The following EXOC6B variants were observed in gnomAD, a reference collection of about 807,000 sequenced individuals.
EXOC6B encodes the protein exocyst complex component 6B.
In EXOC6B, 54 loss-of-function variants were observed where a neutral mutation model predicts 113.5. That is an observed-to-expected ratio of 0.48 (90% CI 0.38 to 0.60). The LOEUF (loss-of-function observed/expected upper bound fraction) is 0.60. Ranked by LOEUF, EXOC6B falls within the 20% of genes least tolerant of loss-of-function variation. The pLI, the probability that EXOC6B is intolerant of heterozygous loss-of-function variation, is 0.00. For synonymous variants in EXOC6B, 357 were observed against 339.0 expected (o/e 1.05, Z -0.58); for missense variants, 797 against 977.5 (o/e 0.82, Z 2.46).
chr2:72,220,981 A>T (rs1157622106), intron 20 of EXOC6B, among the ~76,000 whole-genome samples: 2 of 152,208 alleles, frequency 1.3e-5, no homozygotes, highest in African/African-American at 4.8e-5. Context: ...TGCTAGAAAC[A>T]TTCAAGTTAT....
At chr2:72,302,558 T>C (rs1185883904) in intron 20 of EXOC6B, among the ~76,000 whole-genome samples, 1 of 152,240 alleles carries the variant, frequency 6.6e-6, no homozygotes, top group Non-Finnish European at 1.5e-5. Context: ...TCTTGTTGAA[T>C]TGAACCCTTT....
At chr2:72,293,072 T>C (rs1441142887) in intron 20 of EXOC6B, among the ~76,000 whole-genome samples, 1 of 152,210 alleles carries the variant, frequency 6.6e-6, no homozygotes, top group Non-Finnish European at 1.5e-5. Flanking sequence ...CTGATTTGCA[T>C]GGTTTGTAAA....
chr2:72,394,551 C>T (rs896524440), intron 18 of EXOC6B, among the ~76,000 whole-genome samples: 1 of 152,026 alleles, frequency 6.6e-6, no homozygotes, highest in Non-Finnish European at 1.5e-5. Context: ...ACTGTATAAA[C>T]CTCCATAGAA....
At chr2:72,292,643 C>T (rs1411540288) in intron 20 of EXOC6B, among the ~76,000 whole-genome samples, 1 of 152,052 alleles carries the variant, frequency 6.6e-6, no homozygotes, top group East Asian at 1.9e-4. Context: ...ACTGTTGCAT[C>T]ATCATAAAGA....
At chr2:72,209,239 AAAAAAAAAGAAAAGAAAAG>A (rs1680024649) in intron 20 of EXOC6B, among the ~76,000 whole-genome samples, 2 of 147,556 alleles carry the variant, frequency 1.4e-5, no homozygotes, top group African/African-American at 5.1e-5. Context: ...AAAAAAAAAA[AAAAAAAAAGAAAAGAAAAG>A]AAAAGAAAAG....
chr2:72,438,192 T>C (rs1287161287), intron 18 of EXOC6B, among the ~76,000 whole-genome samples: 1 of 152,106 alleles, frequency 6.6e-6, no homozygotes, highest in Non-Finnish European at 1.5e-5. Flanking sequence ...AGAATTGTAT[T>C]ACACCAATTT....
At chr2:72,683,421 G>A (rs1362361678) in intron 6 of EXOC6B, among the ~76,000 whole-genome samples, 1 of 152,080 alleles carries the variant, frequency 6.6e-6, no homozygotes, top group Non-Finnish European at 1.5e-5. Context: ...CATTAAATAT[G>A]TCTAAGGGGT....
At chr2:72,439,804 G>T (rs1189943758) in intron 18 of EXOC6B, among the ~76,000 whole-genome samples, 1 of 152,160 alleles carries the variant, frequency 6.6e-6, no homozygotes, top group East Asian at 1.9e-4. Flanking sequence ...GGGTACTCTG[G>T]CTTTTTGAGC....
chr2:72,325,541 G>C (rs372225441), intron 20 of EXOC6B, among the ~76,000 whole-genome samples: 1 of 151,736 alleles, frequency 6.6e-6, no homozygotes, highest in Non-Finnish European at 1.5e-5. Flanking sequence ...GCTACAAACC[G>C]AAGGGCTTTC....
At chr2:72,756,046 A>T (rs112827705) in intron 1 of EXOC6B, among the ~76,000 whole-genome samples, 1 of 152,172 alleles carries the variant, frequency 6.6e-6, no homozygotes, top group Non-Finnish European at 1.5e-5. Flanking sequence ...GGAGAGAAAC[A>T]TTTTGTTGGC....
rs1423047895 is a variant in EXOC6B at position 72,718,038 on chromosome 2, G to GA, written c.669+64dup. 6.8e-5 allele frequency: 84 copies of GA among 1,242,576 alleles called. 1 individual carries two copies. In the South Asian group the frequency reaches 1.0e-3, roughly 15 times the overall value. The allele number at this position is 1,242,576 out of a possible 1,614,324, so 77.0% of individuals were successfully genotyped here. ...ATAATGACTAGACACTTGGCAAAGA[G>GA]AAACCTGTGTTTAACTCAATACTGA... On this transcript the variant is annotated intron_variant, in intron 6 of 21. Coordinates refer to ENST00000272427, the MANE Select transcript of EXOC6B (RefSeq NM_015189.3).
intron 18 of EXOC6B, chr2:72,462,841 A>C (rs1489893859): frequency 6.6e-6 from 1 of 152,054 alleles, no homozygotes; most frequent in Non-Finnish European, 1.5e-5. Context: ...TGTTGGTGAG[A>C]AGCATCTTCA....
intron 18 of EXOC6B, among the ~76,000 whole-genome samples, chr2:72,401,796 T>C (rs1693352365): frequency 6.9e-6 from 1 of 144,004 alleles, no homozygotes; most frequent in East Asian, 2.1e-4. Flanking sequence ...ATAAAAAGAA[T>C]CAGATACCCA....
At chr2:72,405,773 G>A (rs1573047500) in intron 18 of EXOC6B, among the ~76,000 whole-genome samples, 1 of 152,282 alleles carries the variant, frequency 6.6e-6, no homozygotes, top group Middle Eastern at 3.4e-3. Flanking sequence ...GACCATCGAT[G>A]CTAGGAAGAA....
intron 18 of EXOC6B, among the ~76,000 whole-genome samples, chr2:72,458,004 G>C (rs1697352186): frequency 6.6e-6 from 1 of 152,020 alleles, no homozygotes; most frequent in Non-Finnish European, 1.5e-5. Flanking sequence ...GTATTCCGTT[G>C]GCTATGTTGC....
intron 8 of EXOC6B, among the ~76,000 whole-genome samples, chr2:72,546,240 A>G (rs1316783667): frequency 1.3e-5 from 2 of 152,134 alleles, no homozygotes; most frequent in Non-Finnish European, 2.9e-5. Context: ...CCTGAAATCA[A>G]GAGTTGGAGA....
At chr2:72,447,569 A>T (rs1284313360) in intron 18 of EXOC6B, among the ~76,000 whole-genome samples, 1 of 152,210 alleles carries the variant, frequency 6.6e-6, no homozygotes, top group African/African-American at 2.4e-5. Context: ...AACTCAATAC[A>T]TTAGGTGTGG....
chr2:72,270,686 A>T (rs891469640), intron 20 of EXOC6B, among the ~76,000 whole-genome samples: 1 of 152,112 alleles, frequency 6.6e-6, no homozygotes, highest in African/African-American at 2.4e-5. Context: ...TCCAAAATGT[A>T]TCAGTAGCAG....
intron 8 of EXOC6B, among the ~76,000 whole-genome samples, chr2:72,534,072 G>C (rs1702152713): frequency 6.6e-6 from 1 of 152,058 alleles, no homozygotes; most frequent in African/African-American, 2.4e-5. Flanking sequence ...GGCATAGTGA[G>C]ACTCAATGAG....
Sources: gnomAD v4.1 joint callset for allele counts (sites outside exome capture counted in the v4.1 genomes callset) on GRCh38, gnomAD v4.1.1 for gene constraint, MANE v1.5 for transcripts, NCBI Gene and HGNC (gene_info 2026-07-23, HGNC 2026-07-21) for gene names.